NR5A1: variants seen among roughly 807,000 people sequenced by gnomAD.
The protein encoded by NR5A1 is nuclear receptor subfamily 5 group A member 1.
A neutral mutation model predicts 42.7 loss-of-function variants in NR5A1; 6 were observed. That is an observed-to-expected ratio of 0.14 (90% CI 0.08 to 0.28). NR5A1 has a LOEUF of 0.28. Ranked by LOEUF, NR5A1 falls within the 10% of genes least tolerant of loss-of-function variation. The pLI is 1.00. For synonymous variants in NR5A1, 274 were observed against 277.5 expected (o/e 0.99, Z 0.12); for missense variants, 442 against 626.4 (o/e 0.71, Z 3.14).
rs1023150049 is a variant in NR5A1 at position 124,500,834 on chromosome 9, G to A, written c.245-119C>T. 2.7e-6 allele frequency: 4 copies of A among 1,486,902 alleles called. No homozygotes were observed. The African/African-American group carries it at 5.5e-5, about 21-fold the overall frequency. 92.1% of individuals were successfully genotyped at this position (1,486,902 alleles called of 1,614,324 possible). A position where few individuals can be genotyped will look rare whatever the true frequency, so the allele number is the denominator to read the frequency against. ...TCTCCCCTGCTCAACACCCTTTCAT[G>A]GCTCCCACTGACCACAGGGGAAGTC... On this transcript the variant is annotated intron_variant, in intron 3 of 6. Transcript: ENST00000373588. The surrounding 1 kb of genome is among the most constrained non-coding windows in gnomAD (Gnocchi z 6.9).
chr9:124,487,287 C>G (rs1259745612), intron 6 of NR5A1, among the ~76,000 whole-genome samples: 4 of 152,242 alleles, frequency 2.6e-5, no homozygotes, highest in African/African-American at 9.6e-5. Context: ...GGCAGGCGCC[C>G]CCGCGCACAA....
At chr9:124,491,036 C>CCCCCCAGGGGGGGGG in intron 6 of NR5A1, 45 bp downstream of exon 6, 1 of 1,401,602 alleles carries the variant, frequency 7.1e-7, no homozygotes, top group Non-Finnish European at 9.6e-7. Flanking sequence ...CCCACCCACC[C>CCCCCCAGGGGGGGGG]GCCTCTGGCT....
intron 3 of NR5A1, among the ~76,000 whole-genome samples, chr9:124,502,002 C>A (rs1323321312): frequency 1.3e-5 from 2 of 152,164 alleles, no homozygotes; most frequent in South Asian, 4.1e-4. Flanking sequence ...ATTCAATTGT[C>A]CCCCACTGCC....
chr9:124,497,148 G>A (rs1025723145), intron 4 of NR5A1, among the ~76,000 whole-genome samples: 2 of 152,126 alleles, frequency 1.3e-5, no homozygotes, highest in Non-Finnish European at 2.9e-5. Context: ...AGGGTGCTGC[G>A]ACCCCACTTC....
chr9:124,488,650 T>C (rs1588616469), intron 6 of NR5A1, among the ~76,000 whole-genome samples: 1 of 152,176 alleles, frequency 6.6e-6, no homozygotes, highest in Non-Finnish European at 1.5e-5. Context: ...TGGGACACTT[T>C]GGGGAATTCT....
At chr9:124,489,465 G>A (rs925902979) in intron 6 of NR5A1, among the ~76,000 whole-genome samples, 1 of 152,184 alleles carries the variant, frequency 6.6e-6, no homozygotes, top group Non-Finnish European at 1.5e-5. Context: ...AACCACAAGC[G>A]TATGAAAGTT....
At chr9:124,499,374 C>T (rs1832433077) in intron 4 of NR5A1, among the ~76,000 whole-genome samples, 1 of 152,224 alleles carries the variant, frequency 6.6e-6, no homozygotes, top group Non-Finnish European at 1.5e-5. Context: ...GCTGCCTCGC[C>T]AGGGAAGATC....
intron 6 of NR5A1, 51 bp downstream of exon 6, chr9:124,491,030 C>CCCCCCCCCCCCCCCCGGGGGGG: frequency 8.5e-7 from 1 of 1,181,504 alleles, no homozygotes; most frequent in Non-Finnish European, 1.2e-6. Flanking sequence ...CACCCTCCCA[C>CCCCCCCCCCCCCCCCGGGGGGG]CCACCCGCCT....
Position 124,500,212 on chromosome 9 carries a change from C to A in NR5A1, c.748G>T (p.Glu250Ter). The A allele has an allele frequency of 6.2e-7, 1 of 1,609,414 alleles. No individual in the cohort carries two copies. The highest frequency in any genetic ancestry group is 8.5e-7 in the Non-Finnish European group (1 of 1,177,818). The change falls in exon 4 of 7, where the codon GAG (glutamate) becomes TAG (stop). Residue 250 changes from glutamate to a stop codon, truncating the protein, a stop_gained. Coordinates refer to ENST00000373588, the MANE Select transcript of NR5A1 (RefSeq NM_004959.5). LOFTEE classifies it high-confidence loss of function. This position sits in a 1 kb window ranked among gnomAD's most constrained non-coding sequence, Gnocchi z 6.9. ...VRARILGCLQ[E>*]PTKSRPDQPA... ...TGGTCGGGGCGGCTTTTGGTGGGCT[C>A]CTGCAGGCAGCCCAAGATGCGGGCC... is the stretch of plus-strand genomic sequence containing the variant.
chr9:124,482,859 G>A lies in NR5A1; in HGVS notation c.1285C>T (p.Leu429=), dbSNP rs568129040. The stretch of plus-strand genomic sequence containing the variant: ...AGGTACTCCTTGGCCTGCATGCTCA[G>A]GGCCCGCACCTCCACCAGGCACAGC... The part of the protein sequence containing the change: ...LLLCLVEVRA[L]SMQAKEYLYH... The change falls in exon 7 of 7, where the codon CTG becomes TTG. Residue 429 remains leucine (L), a synonymous_variant. Coordinates refer to ENST00000373588, the MANE Select transcript of NR5A1 (RefSeq NM_004959.5). 135 of 1,614,042 alleles carry A rather than the reference G, an allele frequency of 8.4e-5. 1 individual carries two copies. The South Asian group carries it at 1.3e-3, about 16-fold the overall frequency.
chr9:124,493,223 C>G, intron 4 of NR5A1, 74 bp from the exon 5 acceptor site: 1 of 1,539,858 alleles, frequency 6.5e-7, no homozygotes, highest in Admixed American at 1.8e-5. Context: ...CCTTCTCCTC[C>G]CACTGAGACC....
chr9:124,504,476 G>A, intron 1 of NR5A1, among the ~76,000 whole-genome samples: 1 of 151,960 alleles, frequency 6.6e-6, no homozygotes, highest in East Asian at 1.9e-4. Context: ...CGACGGCAAC[G>A]GGAGGCGCAG....
intron 3 of NR5A1, among the ~76,000 whole-genome samples, chr9:124,502,086 C>T (rs1434797134): frequency 6.6e-6 from 1 of 152,026 alleles, no homozygotes; most frequent in Non-Finnish European, 1.5e-5. Flanking sequence ...CCAGAGAGCC[C>T]TTTGGATGGA....
Position 124,500,780 on chromosome 9 carries a change from A to G in NR5A1, c.245-65T>C. ...GCCCCCTTCCATGCTGCCCCACCACAGATCCTTTCCAAACAAATCTGACCG... is the reference window on the plus strand; with the variant it reads ...GCCCCCTTCCATGCTGCCCCACCACGGATCCTTTCCAAACAAATCTGACCG... On this transcript the variant is annotated intron_variant, in intron 3 of 6. Coordinates refer to ENST00000373588, the MANE Select transcript of NR5A1 (RefSeq NM_004959.5). The surrounding 1 kb of genome is among the most constrained non-coding windows in gnomAD (Gnocchi z 6.9). 1 of 1,610,294 alleles carries G rather than the reference A, an allele frequency of 6.2e-7. No individual in the cohort carries two copies. The highest frequency in any genetic ancestry group is 8.5e-7 in the Non-Finnish European group (1 of 1,178,756).
In NR5A1 at chr9:124,500,855, A is replaced by G; in HGVS notation, c.245-140T>C. On this transcript the variant is annotated intron_variant, in intron 3 of 6. Coordinates refer to ENST00000373588, the MANE Select transcript of NR5A1 (RefSeq NM_004959.5). This position sits in a 1 kb window ranked among gnomAD's most constrained non-coding sequence, Gnocchi z 6.9. ...TCATGGCTCCCACTGACCACAGGGGAAGTCAGTCTCCTTTGCCTGGCATTC... is the reference window on the plus strand; with the variant it reads ...TCATGGCTCCCACTGACCACAGGGGGAGTCAGTCTCCTTTGCCTGGCATTC... The G allele has an allele frequency of 7.4e-7, 1 of 1,350,916 alleles. No homozygotes were observed. The highest frequency in any genetic ancestry group is 1.0e-6 in the Non-Finnish European group (1 of 957,548). 83.7% of individuals were successfully genotyped at this position (1,350,916 alleles called of 1,614,324 possible). A position where few individuals can be genotyped will look rare whatever the true frequency, so the allele number is the denominator to read the frequency against.
intron 6 of NR5A1, among the ~76,000 whole-genome samples, chr9:124,487,000 C>T (rs980066335): frequency 3.3e-5 from 5 of 152,224 alleles, no homozygotes; most frequent in Non-Finnish European, 7.3e-5. Flanking sequence ...ATCTGCATGC[C>T]CAGCTCTGGG....
chr9:124,484,593 A>C (rs1307735669), intron 6 of NR5A1, among the ~76,000 whole-genome samples: 1 of 152,048 alleles, frequency 6.6e-6, no homozygotes, highest in East Asian at 1.9e-4. Flanking sequence ...TCTACTAAAA[A>C]TACAAAAAAA....
At chr9:124,489,879 C>G (rs773921078) in intron 6 of NR5A1, among the ~76,000 whole-genome samples, 1 of 152,128 alleles carries the variant, frequency 6.6e-6, no homozygotes, top group Non-Finnish European at 1.5e-5. Flanking sequence ...TCGGGAGACC[C>G]AGCCCACTGC....
rs1013079254 is a variant in NR5A1 at position 124,500,822 on chromosome 9, A to T, written c.245-107T>A. The T allele has an allele frequency of 6.4e-7, 1 of 1,552,812 alleles. No homozygotes were observed. The highest frequency in any genetic ancestry group is 8.9e-7 in the Non-Finnish European group (1 of 1,129,132). ...ATCTGACCGCTCTCTCCCCTGCTCA[A>T]CACCCTTTCATGGCTCCCACTGACC... On this transcript the variant is annotated intron_variant, in intron 3 of 6. Coordinates refer to ENST00000373588, the MANE Select transcript of NR5A1 (RefSeq NM_004959.5). This position sits in a 1 kb window ranked among gnomAD's most constrained non-coding sequence, Gnocchi z 6.9.
Sources: allele counts gnomAD v4.1 joint callset (sites outside exome capture counted in the v4.1 genomes callset), GRCh38; gene constraint gnomAD v4.1.1; non-coding constraint Gnocchi (gnomAD v3.1); transcripts MANE v1.5; gene names NCBI Gene and HGNC (gene_info 2026-07-23, HGNC 2026-07-21).